The following EPHX2 variants were observed in gnomAD, a reference collection of about 807,000 sequenced individuals.
EPHX2 encodes bifunctional epoxide hydrolase 2.
EPHX2 carries 74 observed loss-of-function variants against 78.7 expected under a neutral mutation model. The ratio of observed to expected loss-of-function variants is 0.94; its 90% CI spans 0.78 to 1.14. The LOEUF (loss-of-function observed/expected upper bound fraction) is 1.14. Among genes scored for constraint, EPHX2 ranks in the 50% most tolerant of loss-of-function variants. The pLI, the probability that EPHX2 is intolerant of heterozygous loss-of-function variation, is 0.00. For missense variants in EPHX2, 715 were observed against 702.5 expected (o/e 1.02, Z -0.20); for synonymous variants, 251 against 255.2 (o/e 0.98, Z 0.16).
At chr8:27,520,935 C>G (rs200454429) in intron 10 of EPHX2, 26 bp downstream of exon 10, 1 of 1,613,664 alleles carries the variant, frequency 6.2e-7, no homozygotes, top group African/African-American at 1.3e-5. Context: ...GAACTGATAT[C>G]TTTGGAGAAT....
rs532505914 is a variant in EPHX2, at chr8:27,491,368, T to C, written c.101+59T>C. ...CGGGGCCTCAGGAGGCAGACCGCGC[T>C]GGGCTTGCAGCCCAGCTTTCAGATT... On this transcript the variant is annotated intron_variant, in intron 1 of 18. Coordinates refer to ENST00000521400, the MANE Select transcript of EPHX2 (RefSeq NM_001979.6). The C allele has an allele frequency of 2.2e-4, 277 of 1,275,830 alleles. No individual in the cohort carries two copies. In the African/African-American group the frequency reaches 4.0e-3, roughly 18 times the overall value. The allele number at this position is 1,275,830 out of a possible 1,614,324, so 79.0% of individuals were successfully genotyped here.
At chr8:27,522,990 G>A (rs1324157216) in intron 11 of EPHX2, among the ~76,000 whole-genome samples, 1 of 145,572 alleles carries the variant, frequency 6.9e-6, no homozygotes, top group Non-Finnish European at 1.5e-5. Flanking sequence ...AAAAAAAAGG[G>A]CCTAATGAGC....
At chr8:27,541,254 A>G (rs1362007460) in intron 15 of EPHX2, among the ~76,000 whole-genome samples, 1 of 152,078 alleles carries the variant, frequency 6.6e-6, no homozygotes, top group East Asian at 1.9e-4. Context: ...CTGCCAGTTC[A>G]CTCAGTGGAG....
chr8:27,501,623 G>A (rs1274245073), intron 2 of EPHX2, among the ~76,000 whole-genome samples: 1 of 151,804 alleles, frequency 6.6e-6, no homozygotes, highest in Non-Finnish European at 1.5e-5. Context: ...GTGTTACCCA[G>A]ACTGGTCTAG....
chr8:27,499,146 TA>T (rs1272440384), intron 1 of EPHX2, among the ~76,000 whole-genome samples: 4 of 152,262 alleles, frequency 2.6e-5, no homozygotes, highest in African/African-American at 9.6e-5. Flanking sequence ...GATAACCCAT[TA>T]ACTCATTAAC....
At position 27,545,520 on chromosome 8, in the gene EPHX2, T is replaced by G. The variant is rs1398950864; in HGVS notation, c.*998T>G. 7.8e-6 allele frequency: 1 copy of G among 128,862 alleles called. No individual in the cohort carries two copies. The highest frequency in any genetic ancestry group is 1.6e-5 in the Non-Finnish European group (1 of 60,914). The allele number at this position is 128,862 out of a possible 1,614,324, so 8.0% of individuals were successfully genotyped here. On this transcript the variant is annotated 3_prime_UTR_variant, in exon 19 of 19. Coordinates refer to ENST00000521400, the MANE Select transcript of EPHX2 (RefSeq NM_001979.6). The stretch of plus-strand genomic sequence containing the variant: ...TCGCAGGGCCTCCCCCAACTGCCCC[T>G]GCCCACCCCCAGCCCGGCCCCATCA...
chr8:27,524,741 C>T (rs567467584), intron 11 of EPHX2, among the ~76,000 whole-genome samples: 1 of 152,278 alleles, frequency 6.6e-6, no homozygotes, highest in East Asian at 1.9e-4. Flanking sequence ...CAGGGTCCTC[C>T]ATGATGCCCA....
At chr8:27,525,609 C>A in intron 12 of EPHX2, 136 bp downstream of exon 12, 1 of 800,980 alleles carries the variant, frequency 1.2e-6, no homozygotes, top group Non-Finnish European at 2.1e-6. Context: ...CAAATGGGCT[C>A]AGGTGAAACT....
At chr8:27,508,502 C>T (rs1291806432) in intron 5 of EPHX2, among the ~76,000 whole-genome samples, 1 of 152,196 alleles carries the variant, frequency 6.6e-6, no homozygotes, top group Non-Finnish European at 1.5e-5. Context: ...AAGTCCCAGG[C>T]AACAGAGAAG....
At chr8:27,543,461 G>T (rs1815476899) in intron 16 of EPHX2, among the ~76,000 whole-genome samples, 2 of 152,118 alleles carry the variant, frequency 1.3e-5, no homozygotes, top group African/African-American at 2.4e-5. Context: ...CTTCATTCAA[G>T]GGTGTCTTCT....
At position 27,544,836 on chromosome 8, in the gene EPHX2, G is replaced by A; in HGVS notation, c.*314G>A. The A allele has an allele frequency of 8.8e-6, 3 of 341,352 alleles. No homozygotes were observed. The highest frequency in any genetic ancestry group is 1.6e-5 in the Non-Finnish European group (3 of 187,332). 21.1% of individuals were successfully genotyped at this position (341,352 alleles called of 1,614,324 possible). A position where few individuals can be genotyped will look rare whatever the true frequency, so the allele number is the denominator to read the frequency against. ...GTGATTTCTCTTTGACCAATGCATA[G>A]TTTGGCAGAAAAATCAGCCGTTCAT... On this transcript the variant is annotated 3_prime_UTR_variant, in exon 19 of 19. Coordinates refer to ENST00000521400, the MANE Select transcript of EPHX2 (RefSeq NM_001979.6).
At chr8:27,498,839 C>T (rs1204114816) in intron 1 of EPHX2, among the ~76,000 whole-genome samples, 1 of 152,194 alleles carries the variant, frequency 6.6e-6, no homozygotes, top group Non-Finnish European at 1.5e-5. Context: ...TACTGCAAAT[C>T]ATTGAATTGT....
rs377172972 is a variant in EPHX2, at chr8:27,520,491, C to T, written c.946-392C>T. Among the ~76,000 whole-genome samples the T allele has an allele frequency of 2.0e-5, 3 of 152,178 alleles. No individual in the cohort carries two copies. The South Asian group carries it at 6.2e-4, about 32-fold the overall frequency. ...TCTCCCAAGTAGCTGGGACTATAGG[C>T]GTGCACCACCACACCCAGCTAATTT... On this transcript the variant is annotated intron_variant, in intron 9 of 18. Coordinates refer to ENST00000521400, the MANE Select transcript of EPHX2 (RefSeq NM_001979.6).
intron 16 of EPHX2, 24 bp downstream of exon 16, chr8:27,541,566 C>T: frequency 1.2e-6 from 2 of 1,613,778 alleles, no homozygotes; most frequent in Non-Finnish European, 1.7e-6. Flanking sequence ...TCAGTGTAGT[C>T]TCATCCACAC....
intron 1 of EPHX2, among the ~76,000 whole-genome samples, chr8:27,495,138 G>A (rs543683933): frequency 6.6e-6 from 1 of 152,342 alleles, no homozygotes; most frequent in South Asian, 2.1e-4. Flanking sequence ...TTTCCTTGTG[G>A]TATTTAATGG....
rs755314524 is a variant in EPHX2 at position 27,516,299 on chromosome 8, G to T, written c.832-21G>T. 3 of 1,611,192 alleles carry T rather than the reference G, an allele frequency of 1.9e-6. No individual in the cohort carries two copies. The African/African-American group carries it at 4.0e-5, about 22-fold the overall frequency. On this transcript the variant is annotated intron_variant, in intron 7 of 18. Transcript: ENST00000521400. ...CTAGGACTGATGGGACCATGCTGGA[G>T]TGTGCCTGTTTGTTTTCTAGATCCC...
At chr8:27,539,743 G>C (rs1815334366) in intron 14 of EPHX2, among the ~76,000 whole-genome samples, 1 of 152,350 alleles carries the variant, frequency 6.6e-6, no homozygotes, top group East Asian at 1.9e-4. Context: ...TCGCAGAGGG[G>C]CCCTGAGGTA....
At chr8:27,527,204 G>A (rs1007748012) in intron 12 of EPHX2, among the ~76,000 whole-genome samples, 7 of 151,920 alleles carry the variant, frequency 4.6e-5, no homozygotes, top group Admixed American at 2.0e-4. Flanking sequence ...TGATCTGCCC[G>A]CCTCGGCCTC....
At chr8:27,504,832 C>T (rs1813934601) in intron 3 of EPHX2, 124 bp from the exon 4 acceptor site, 2 of 951,124 alleles carry the variant, frequency 2.1e-6, no homozygotes, top group South Asian at 1.6e-5. Context: ...GAAAGTTGGG[C>T]ATAAGAGATT....
Sources: allele counts gnomAD v4.1 joint callset (sites outside exome capture counted in the v4.1 genomes callset), GRCh38; gene constraint gnomAD v4.1.1; transcripts MANE v1.5; gene names NCBI Gene and HGNC (gene_info 2026-07-23, HGNC 2026-07-21).